The following ADGRL3 variants were observed in gnomAD, a reference collection of about 807,000 sequenced individuals.
ADGRL3 encodes the protein adhesion G protein-coupled receptor L3.
ADGRL3 carries 62 observed loss-of-function variants against 153.5 expected under a neutral mutation model. The ratio of observed to expected loss-of-function variants is 0.40; its 90% CI spans 0.33 to 0.50. The LOEUF (loss-of-function observed/expected upper bound fraction) is 0.50, where lower values mean the gene tolerates loss of function less well. ADGRL3 is among the 20% of genes least tolerant of loss of function. ADGRL3 has a pLI of 0.47. For missense variants in ADGRL3, 1,641 were observed against 1,859.4 expected (o/e 0.88, Z 2.16); for synonymous variants, 710 against 672.5 (o/e 1.06, Z -0.86).
chr4:61,282,054 C>A (rs2093743036), intron 1 of ADGRL3, among the ~76,000 whole-genome samples: 1 of 151,912 alleles, frequency 6.6e-6, no homozygotes, highest in African/African-American at 2.4e-5. Flanking sequence ...AGAATGACTT[C>A]TGATTTTCCT....
At chr4:61,337,222 C>G (rs537638734) in intron 1 of ADGRL3, among the ~76,000 whole-genome samples, 1 of 152,126 alleles carries the variant, frequency 6.6e-6, no homozygotes, top group Admixed American at 6.6e-5. Flanking sequence ...GTACCCCTGA[C>G]CCCTTTGTGG....
intron 1 of ADGRL3, among the ~76,000 whole-genome samples, chr4:61,330,361 T>C (rs1304206809): frequency 6.6e-6 from 1 of 151,972 alleles, no homozygotes; most frequent in South Asian, 2.1e-4. Flanking sequence ...AGAGCTCAAA[T>C]AGAAAAAAGG....
At position 61,481,944 on chromosome 4, in the gene ADGRL3, G is replaced by T. The variant is rs76731886; in HGVS notation, c.-173-15177G>T. Among the ~76,000 whole-genome samples the T allele has an allele frequency of 6.8e-3, 1,032 of 151,750 alleles. 14 individuals are homozygous for T. The highest frequency in any genetic ancestry group is 8.2e-3 in the Non-Finnish European group (557 of 67,894). On this transcript the variant is annotated intron_variant, in intron 2 of 26. Transcript: ENST00000683033. ...TAAATCTTCATAAAAGCAAAAATAC[G>T]TTTTTTTCCTGAATGCTATTGTCTT...
Position 61,733,564 on chromosome 4 carries a change from A to C in ADGRL3, c.1399+10A>C. On this transcript the variant is annotated intron_variant, in intron 8 of 26. Coordinates refer to ENST00000683033, the MANE Select transcript of ADGRL3 (RefSeq NM_001387552.1). ...CTGGATAGTAGATCAGGTAAGTTCA[A>C]CCTTTTGTGGTACTCTTTGGGGAAA... The C allele has an allele frequency of 6.4e-7, 1 of 1,574,624 alleles. No homozygotes were observed. Among genetic ancestry groups the C allele is most frequent in the Non-Finnish European group, 8.7e-7 (1 of 1,149,054 alleles).
chr4:62,027,167 G>T (rs909953634), intron 21 of ADGRL3, among the ~76,000 whole-genome samples: 1 of 151,966 alleles, frequency 6.6e-6, no homozygotes, highest in African/African-American at 2.4e-5. Context: ...ATTTTTGATG[G>T]TAATATAAGT....
chr4:62,053,427 T>C (rs1006776421), intron 25 of ADGRL3, among the ~76,000 whole-genome samples: 1 of 151,572 alleles, frequency 6.6e-6, no homozygotes, highest in Non-Finnish European at 1.5e-5. Flanking sequence ...TCTCCTATGA[T>C]TTTTTATAAT....
At chr4:61,614,798 C>G (rs1209738933) in intron 5 of ADGRL3, among the ~76,000 whole-genome samples, 2 of 152,158 alleles carry the variant, frequency 1.3e-5, no homozygotes, top group Middle Eastern at 3.2e-3. Context: ...TTTCTTCAGA[C>G]ATGACTACCA....
intron 20 of ADGRL3, among the ~76,000 whole-genome samples, chr4:61,996,937 CTG>C (rs1258042704): frequency 6.6e-6 from 1 of 151,988 alleles, no homozygotes; most frequent in African/African-American, 2.4e-5. Flanking sequence ...TTAGATAAAA[CTG>C]TTAGTATAAT....
At chr4:62,048,268 T>C (rs1343547956) in intron 25 of ADGRL3, among the ~76,000 whole-genome samples, 1 of 151,990 alleles carries the variant, frequency 6.6e-6, no homozygotes, top group Non-Finnish European at 1.5e-5. Context: ...TTATTATTTA[T>C]TTATTTATTT....
At chr4:61,723,934 A>G (rs2096282888) in intron 6 of ADGRL3, among the ~76,000 whole-genome samples, 1 of 152,202 alleles carries the variant, frequency 6.6e-6, no homozygotes, top group African/African-American at 2.4e-5. Context: ...TTCGATGAGG[A>G]TGAAATAAAA....
At position 61,892,629 on chromosome 4, in the gene ADGRL3, G is replaced by C. The variant is rs532872571; in HGVS notation, c.1481-27G>C. On this transcript the variant is annotated intron_variant, in intron 9 of 26. Coordinates refer to ENST00000683033, the MANE Select transcript of ADGRL3 (RefSeq NM_001387552.1). The stretch of plus-strand genomic sequence containing the variant: ...GGTCCTCCTGTGAACAAGCAATGTA[G>C]GTGTTTTCTTTCTAATTTTATTTCA... 2.6e-6 allele frequency: 4 copies of C among 1,564,896 alleles called. No individual in the cohort carries two copies. The South Asian group carries it at 4.4e-5, about 17-fold the overall frequency.
intron 4 of ADGRL3, among the ~76,000 whole-genome samples, chr4:61,518,919 A>T (rs1358691835): frequency 3.3e-5 from 5 of 152,142 alleles, no homozygotes; most frequent in Non-Finnish European, 5.9e-5. Context: ...GGCTTTTATT[A>T]TTCCCAGAAT....
chr4:61,452,622 T>TA (rs988794787), intron 2 of ADGRL3, among the ~76,000 whole-genome samples: 3 of 152,214 alleles, frequency 2.0e-5, no homozygotes, highest in Admixed American at 1.3e-4. Flanking sequence ...CAAGCATTAA[T>TA]AGAGTTTTGA....
At chr4:61,203,594 T>C (rs1735813391) in intron 1 of ADGRL3, among the ~76,000 whole-genome samples, 1 of 152,258 alleles carries the variant, frequency 6.6e-6, no homozygotes, top group African/African-American at 2.4e-5. Context: ...TAGTGTCATA[T>C]GGGCTTTCAT....
At chr4:61,570,942 C>T (rs977967441) in intron 4 of ADGRL3, among the ~76,000 whole-genome samples, 9 of 151,988 alleles carry the variant, frequency 5.9e-5, no homozygotes, top group African/African-American at 1.7e-4. Context: ...AATGAAGAAG[C>T]GGGTAAGCAT....
At chr4:61,690,318 C>A (rs977648361) in intron 6 of ADGRL3, among the ~76,000 whole-genome samples, 3 of 151,998 alleles carry the variant, frequency 2.0e-5, no homozygotes, top group African/African-American at 7.2e-5. Flanking sequence ...GTGGTGCATG[C>A]CTGTGGTCCC....
At chr4:61,729,738 T>C (rs4585337) in intron 6 of ADGRL3, among the ~76,000 whole-genome samples, 107,663 of 151,808 alleles carry the variant, frequency 0.71, 39,217 homozygotes, top group East Asian at 0.93. Flanking sequence ...AGAGATGCTG[T>C]TTGATGAGTT....
intron 2 of ADGRL3, among the ~76,000 whole-genome samples, chr4:61,406,079 A>T (rs936914813): frequency 1.7e-4 from 26 of 152,006 alleles, no homozygotes; most frequent in Admixed American, 1.4e-3. Flanking sequence ...ACACTTATTG[A>T]GAGCGCCCTA....
At chr4:61,319,784 G>T (rs2095315216) in intron 1 of ADGRL3, among the ~76,000 whole-genome samples, 1 of 151,986 alleles carries the variant, frequency 6.6e-6, no homozygotes, top group African/African-American at 2.4e-5. Flanking sequence ...GAGATCTCTG[G>T]CAACTGAGTA....
Sources: gnomAD v4.1 joint callset for allele counts (sites outside exome capture counted in the v4.1 genomes callset) on GRCh38, gnomAD v4.1.1 for gene constraint, MANE v1.5 for transcripts, NCBI Gene and HGNC (gene_info 2026-07-23, HGNC 2026-07-21) for gene names.